Variants in ETV6 observed in about 807,000 individuals in gnomAD.
The protein encoded by ETV6 is transcription factor ETV6.
A neutral mutation model predicts 51.1 loss-of-function variants in ETV6; 16 were observed. The observed-to-expected ratio is 0.31, with a 90% confidence interval of 0.21 to 0.48. ETV6 has a LOEUF of 0.48. ETV6 is among the 20% of genes least tolerant of loss of function. The pLI is 0.99. For missense variants in ETV6, 458 were observed against 594.8 expected (o/e 0.77, Z 2.39); for synonymous variants, 240 against 224.1 (o/e 1.07, Z -0.64).
intron 1 of ETV6, among the ~76,000 whole-genome samples, chr12:11,660,180 C>T (rs996111107): frequency 2.6e-5 from 4 of 152,026 alleles, no homozygotes; most frequent in African/African-American, 9.7e-5. Context: ...ATATGTACAA[C>T]TATTATATAT....
chr12:11,730,088 T>G (rs934469770), intron 1 of ETV6, among the ~76,000 whole-genome samples: 6 of 152,284 alleles, frequency 3.9e-5, no homozygotes, highest in Admixed American at 1.3e-4. Flanking sequence ...GGGGTGCATT[T>G]TACTCCCTCT....
intron 5 of ETV6, among the ~76,000 whole-genome samples, chr12:11,880,519 G>A (rs1655291114): frequency 6.6e-6 from 1 of 152,142 alleles, no homozygotes; most frequent in South Asian, 2.1e-4. Flanking sequence ...TGGAGAAATG[G>A]TCTGGTTCAC....
At chr12:11,741,867 T>G (rs1196076077) in intron 1 of ETV6, among the ~76,000 whole-genome samples, 1 of 152,252 alleles carries the variant, frequency 6.6e-6, no homozygotes, top group African/African-American at 2.4e-5. Context: ...TTCGCAACTT[T>G]AGCTCTGCAT....
At chr12:11,782,466 G>C (rs1055524664) in intron 2 of ETV6, among the ~76,000 whole-genome samples, 1 of 152,180 alleles carries the variant, frequency 6.6e-6, no homozygotes, top group African/African-American at 2.4e-5. Context: ...TTATTATTAA[G>C]AGACAGTGTG....
chr12:11,733,573 A>C (rs190988609), intron 1 of ETV6, among the ~76,000 whole-genome samples: 13 of 152,302 alleles, frequency 8.5e-5, no homozygotes, highest in Admixed American at 5.9e-4. Flanking sequence ...GAGTAAGTGC[A>C]CTGTGAGTGG....
chr12:11,666,905 C>T (rs1864205691), intron 1 of ETV6, among the ~76,000 whole-genome samples: 2 of 152,208 alleles, frequency 1.3e-5, no homozygotes, highest in East Asian at 1.9e-4. Flanking sequence ...CTTCTCTTGG[C>T]CTGTCTGTCC....
In ETV6 at chr12:11,758,905, C is replaced by T. The variant is rs74060845; in HGVS notation, c.163+6326C>T. Reference sequence around the variant, plus strand: ...TTAAGCCTTCTTTTGGGTGCCTTCACTTTTTACATCCAAATGCTTGAAGCT... The same window carrying T: ...TTAAGCCTTCTTTTGGGTGCCTTCATTTTTTACATCCAAATGCTTGAAGCT... On this transcript the variant is annotated intron_variant, in intron 2 of 7. Coordinates refer to ENST00000396373, the MANE Select transcript of ETV6 (RefSeq NM_001987.5). Among the ~76,000 whole-genome samples the T allele has an allele frequency of 5.6e-3, 855 of 152,326 alleles. 7 individuals are homozygous for T. The highest frequency in any genetic ancestry group is 0.02 in the African/African-American group (815 of 41,576).
At chr12:11,804,104 T>C (rs1403271533) in intron 2 of ETV6, among the ~76,000 whole-genome samples, 1 of 152,224 alleles carries the variant, frequency 6.6e-6, no homozygotes, top group Non-Finnish European at 1.5e-5. Context: ...TTTCAAAAGA[T>C]TTTTATCAGG....
chr12:11,869,577 A>G lies in ETV6; in HGVS notation c.617A>G (p.Asp206Gly). The G allele has an allele frequency of 1.9e-6, 3 of 1,614,134 alleles. No homozygotes were observed. The highest frequency in any genetic ancestry group is 2.5e-6 in the Non-Finnish European group (3 of 1,180,012). ...CAGCGGCCCCTCCGGTCCCCCCTGG[A>G]CAACATGATCCGCCGCCTCTCCCCG... ...PEQRPLRSPL[D>G]NMIRRLSPAE... The change falls in exon 5 of 8, where the codon GAC becomes GGC. Residue 206 changes from aspartate (D) to glycine (G), a missense_variant. By Grantham distance (94) the Asp-to-Gly change is moderately conservative (BLOSUM62 -1). Transcript: ENST00000396373. The surrounding 1 kb of genome is among the most constrained non-coding windows in gnomAD (Gnocchi z 5.0).
chr12:11,702,229 A>G (rs1474192240), intron 1 of ETV6, among the ~76,000 whole-genome samples: 2 of 152,210 alleles, frequency 1.3e-5, no homozygotes, highest in East Asian at 1.9e-4. Flanking sequence ...GAATTTGCTC[A>G]TGGTCAGGTG....
intron 3 of ETV6, among the ~76,000 whole-genome samples, chr12:11,843,434 G>A (rs1290745316): frequency 2.0e-5 from 3 of 152,148 alleles, no homozygotes; most frequent in Admixed American, 1.3e-4. Context: ...CACAAATCAC[G>A]TCACTTCACT....
chr12:11,703,600 C>T (rs147401658), intron 1 of ETV6, among the ~76,000 whole-genome samples: 27 of 152,264 alleles, frequency 1.8e-4, no homozygotes, highest in Non-Finnish European at 3.1e-4. Context: ...CAGTTAACTA[C>T]TCAGTTATTT....
intron 2 of ETV6, among the ~76,000 whole-genome samples, chr12:11,757,427 C>CAA (rs5796460): frequency 1.7e-4 from 26 of 150,634 alleles, no homozygotes; most frequent in Admixed American, 2.0e-4. Flanking sequence ...TGTTTGTTCC[C>CAA]AAAAAAAAAG....
intron 1 of ETV6, among the ~76,000 whole-genome samples, chr12:11,700,414 T>C (rs1364193709): frequency 1.3e-5 from 2 of 152,150 alleles, no homozygotes; most frequent in African/African-American, 4.8e-5. Context: ...GTTATTTCCC[T>C]CTGTATGTTC....
At chr12:11,722,296 T>C (rs1185488137) in intron 1 of ETV6, among the ~76,000 whole-genome samples, 1 of 152,138 alleles carries the variant, frequency 6.6e-6, no homozygotes, top group Non-Finnish European at 1.5e-5. Flanking sequence ...TAATGAACAG[T>C]GAAATGGCCA....
intron 1 of ETV6, among the ~76,000 whole-genome samples, chr12:11,727,140 G>A (rs1865505538): frequency 6.6e-6 from 1 of 152,340 alleles, no homozygotes; most frequent in Non-Finnish European, 1.5e-5. Flanking sequence ...CCAGCATGCA[G>A]AGGACTTGCC....
At chr12:11,867,765 T>C (rs1316850726) in intron 4 of ETV6, among the ~76,000 whole-genome samples, 1 of 152,234 alleles carries the variant, frequency 6.6e-6, no homozygotes. Flanking sequence ...GACAATTCTT[T>C]GACCAGAACA....
intron 2 of ETV6, among the ~76,000 whole-genome samples, chr12:11,788,234 C>G (rs372787446): frequency 1.4e-4 from 22 of 152,290 alleles, no homozygotes; most frequent in African/African-American, 5.3e-4. Context: ...TAGTATTGGT[C>G]TAAACCATTC....
intron 3 of ETV6, among the ~76,000 whole-genome samples, chr12:11,850,561 A>G (rs1395251666): frequency 7.9e-6 from 1 of 125,912 alleles, no homozygotes; most frequent in Non-Finnish European, 2.0e-5. Context: ...TGGTGGTGGT[A>G]GTGGTGGTGG....
Sources: gnomAD v4.1 joint callset for allele counts (sites outside exome capture counted in the v4.1 genomes callset) on GRCh38, gnomAD v4.1.1 for gene constraint, Gnocchi (gnomAD v3.1) non-coding constraint, MANE v1.5 for transcripts, NCBI Gene and HGNC (gene_info 2026-07-23, HGNC 2026-07-21) for gene names.